PBRM1: variants seen among roughly 807,000 people sequenced by gnomAD.
The protein encoded by PBRM1 is polybromo 1.
Under a neutral mutation model 194.5 loss-of-function variants are expected in PBRM1, and 27 were observed. The ratio of observed to expected loss-of-function variants is 0.14; its 90% CI spans 0.10 to 0.19. PBRM1 has a LOEUF of 0.19. Among genes scored for constraint, PBRM1 ranks in the 10% least tolerant of loss-of-function variants. PBRM1 has a pLI of 1.00. For synonymous variants in PBRM1, 655 were observed against 693.2 expected, an observed-to-expected ratio of 0.94 and a Z score of 0.87; for missense variants, 1,466 against 2,077.2, an observed-to-expected ratio of 0.71 and a Z score of 5.72.
At chr3:52,563,393 TATC>T (rs1559891669) in exon 24 of PBRM1, 2 of 1,613,962 alleles carry the variant, frequency 1.2e-6, no homozygotes, top group Admixed American at 1.7e-5. Flanking sequence ...ATCTCTTCAA[TATC>T]ATCATCTCCA....
intron 16 of PBRM1, among the ~76,000 whole-genome samples, chr3:52,607,327 T>C (rs1452862118): frequency 6.6e-6 from 1 of 152,146 alleles, no homozygotes; most frequent in Non-Finnish European, 1.5e-5. Context: ...CTTTTGTTTT[T>C]CAACAAAGCT....
At chr3:52,657,315 C>T (rs2096625302) in intron 5 of PBRM1, among the ~76,000 whole-genome samples, 1 of 151,582 alleles carries the variant, frequency 6.6e-6, no homozygotes, top group African/African-American at 2.4e-5. Flanking sequence ...TCCTTTACCA[C>T]AATAAGAAAC....
chr3:52,685,641 A>G (rs1372548816), intron 1 of PBRM1, 108 bp downstream of exon 1: 1 of 146,016 alleles, frequency 6.8e-6, no homozygotes, highest in African/African-American at 2.5e-5. Flanking sequence ...GCGCGTCCCC[A>G]CGGCCGGGGC....
chr3:52,579,298 G>A (rs952116136), intron 20 of PBRM1, 99 bp from the exon 23 acceptor site: 3 of 1,148,408 alleles, frequency 2.6e-6, no homozygotes, highest in Admixed American at 1.9e-5. Context: ...TAACTTAAAA[G>A]AAAAAACCAC....
In PBRM1 at chr3:52,548,238, G is replaced by A. The variant is rs1553690736; in HGVS notation, c.4898-3C>T. 4 of 1,570,436 alleles carry A rather than the reference G, an allele frequency of 2.5e-6. No homozygotes were observed. Among genetic ancestry groups the A allele is most frequent in the Non-Finnish European group, 3.4e-6 (4 of 1,164,474 alleles). On this transcript the variant is annotated splice_polypyrimidine_tract_variant and splice_region_variant and intron_variant, in intron 29 of 29. Transcript: ENST00000296302. The stretch of plus-strand genomic sequence containing the variant: ...CAAATGGACGTCGCGTCTTCGAGCT[G>A]AAAATTAAAGTACAGAGAGACAGAA...
chr3:52,683,420 C>G (rs2097249396), upstream of PBRM1, among the ~76,000 whole-genome samples: 1 of 151,646 alleles, frequency 6.6e-6, no homozygotes, highest in African/African-American at 2.4e-5. Flanking sequence ...TGCATGTTCC[C>G]CAGGCACAGG....
intron 5 of PBRM1, among the ~76,000 whole-genome samples, chr3:52,656,149 T>C (rs1355814135): frequency 6.6e-6 from 1 of 152,212 alleles, no homozygotes; most frequent in African/African-American, 2.4e-5. Context: ...CAAATCTATA[T>C]GTTAATTATC....
At chr3:52,662,087 T>C (rs2153914627) in intron 4 of PBRM1, 46 bp downstream of exon 5, 1 of 1,599,072 alleles carries the variant, frequency 6.3e-7, no homozygotes, top group Non-Finnish European at 8.5e-7. Context: ...GGGCCCTCTC[T>C]GCCTTCCAAG....
chr3:52,582,672 T>C (rs1401444228), intron 20 of PBRM1, among the ~76,000 whole-genome samples: 1 of 151,758 alleles, frequency 6.6e-6, no homozygotes, highest in East Asian at 2.0e-4. Flanking sequence ...TTCCAACACA[T>C]TCCCATACTG....
chr3:52,612,901 G>A (rs1204525625), intron 15 of PBRM1, among the ~76,000 whole-genome samples: 1 of 129,002 alleles, frequency 7.8e-6, no homozygotes, highest in Non-Finnish European at 1.6e-5. Context: ...GTGAGAATCC[G>A]TCTCAAAAAA....
chr3:52,628,007 A>C (rs2095498798), intron 12 of PBRM1, among the ~76,000 whole-genome samples: 3 of 152,194 alleles, frequency 2.0e-5, no homozygotes, highest in Non-Finnish European at 4.4e-5. Context: ...GATTCTACCA[A>C]AAACTGTCAG....
intron 11 of PBRM1, among the ~76,000 whole-genome samples, chr3:52,630,870 T>C (rs1308646384): frequency 3.9e-5 from 6 of 152,208 alleles, no homozygotes; most frequent in Non-Finnish European, 7.3e-5. Context: ...GGCTAAGAAT[T>C]TGTCTTCTTT....
intron 20 of PBRM1, chr3:52,586,218 A>G (rs564462812): frequency 1.1e-4 from 51 of 465,172 alleles, no homozygotes; most frequent in South Asian, 5.1e-4. Context: ...ACAGGCGTGA[A>G]CCAATGCACT....
chr3:52,596,296 G>C (rs904864317), intron 17 of PBRM1, among the ~76,000 whole-genome samples: 8 of 151,568 alleles, frequency 5.3e-5, no homozygotes, highest in African/African-American at 1.9e-4. Flanking sequence ...AAATTAGCTG[G>C]GTTTGGTGGT....
intron 7 of PBRM1, among the ~76,000 whole-genome samples, 173 bp downstream of exon 8, chr3:52,648,171 T>C (rs918527393): frequency 2.6e-5 from 4 of 152,204 alleles, no homozygotes; most frequent in Non-Finnish European, 5.9e-5. Context: ...CTTCACAAAG[T>C]GCCGGGATTA....
chr3:52,642,872 C>T (rs1045460162), intron 9 of PBRM1, among the ~76,000 whole-genome samples: 4 of 151,420 alleles, frequency 2.6e-5, no homozygotes, highest in East Asian at 2.0e-4. Flanking sequence ...CTGCAAACTC[C>T]GCCTCCCGAG....
chr3:52,636,858 T>TAAA (rs11379683), intron 10 of PBRM1, among the ~76,000 whole-genome samples: 1 of 137,456 alleles, frequency 7.3e-6, no homozygotes, highest in Non-Finnish European at 1.5e-5. Context: ...GACTCCGCCT[T>TAAA]AAAAAAAAAA....
chr3:52,592,940 T>G (rs559423223), intron 17 of PBRM1, among the ~76,000 whole-genome samples: 2 of 152,376 alleles, frequency 1.3e-5, no homozygotes, highest in African/African-American at 4.8e-5. Context: ...CTAGTTTGTG[T>G]GCATAGAGGT....
At chr3:52,547,891 C>T, downstream of PBRM1, 1 of 520,150 alleles carries the variant, frequency 1.9e-6, no homozygotes, top group South Asian at 2.9e-5. Flanking sequence ...ATATAACAAA[C>T]AAATTGAAAT....
Sources: allele counts gnomAD v4.1 joint callset (sites outside exome capture counted in the v4.1 genomes callset), GRCh38; gene constraint gnomAD v4.1.1; transcripts MANE v1.5; gene names NCBI Gene and HGNC (gene_info 2026-07-23, HGNC 2026-07-21).